Variants in CNIH3 observed in about 807,000 individuals in gnomAD.
CNIH3 encodes the protein protein cornichon homolog 3.
A neutral mutation model predicts 24.1 loss-of-function variants in CNIH3; 14 were observed. The ratio of observed to expected loss-of-function variants is 0.58; its 90% CI spans 0.38 to 0.91. The LOEUF (loss-of-function observed/expected upper bound fraction) is 0.91, where lower values mean the gene tolerates loss of function less well. Among genes scored for constraint, CNIH3 ranks in the 40% least tolerant of loss-of-function variants. The pLI, the probability that CNIH3 is intolerant of heterozygous loss-of-function variation, is 0.00. For synonymous variants in CNIH3, 68 were observed against 73.8 expected, an observed-to-expected ratio of 0.92 and a Z score of 0.40; for missense variants, 178 against 196.8, an observed-to-expected ratio of 0.90 and a Z score of 0.57.
At chr1:224,601,151 C>T (rs955514463) in intron 3 of CNIH3, among the ~76,000 whole-genome samples, 6 of 152,126 alleles carry the variant, frequency 3.9e-5, no homozygotes, top group East Asian at 1.9e-4. Flanking sequence ...GATTCAAGTG[C>T]GCTGTTTGAC....
chr1:224,526,122 C>T (rs1448918543), intron 2 of CNIH3, among the ~76,000 whole-genome samples: 1 of 152,184 alleles, frequency 6.6e-6, no homozygotes, highest in Non-Finnish European at 1.5e-5. Context: ...GTTACATTTG[C>T]TGGTTTTTTC....
At chr1:224,695,684 GCTT>G in intron 3 of CNIH3, among the ~76,000 whole-genome samples, 1 of 152,162 alleles carries the variant, frequency 6.6e-6, no homozygotes, top group Non-Finnish European at 1.5e-5. Flanking sequence ...ACTTTACAGA[GCTT>G]CTTACCACTG....
At position 224,699,968 on chromosome 1, in the gene CNIH3, G is replaced by A. The variant is rs1389732843; in HGVS notation, c.198+15125G>A. On this transcript the variant is annotated intron_variant, in intron 3 of 5. Transcript: ENST00000272133. ...TTTTCTTGCCTGCCCTGCTTCCACT[G>A]GGCCCTGCGGTTATCTTGTCTGGCC... is the stretch of plus-strand genomic sequence containing the variant. 3.3e-5 allele frequency among the ~76,000 whole-genome samples: 5 copies of A among 152,128 alleles called. No homozygotes were observed. In the East Asian group the frequency reaches 9.6e-4, roughly 29 times the overall value.
At chr1:224,713,196 G>A (rs1688250773) in intron 3 of CNIH3, among the ~76,000 whole-genome samples, 1 of 152,200 alleles carries the variant, frequency 6.6e-6, no homozygotes, top group Admixed American at 6.5e-5. Context: ...CAGTCCAATA[G>A]TTTATTGAAA....
chr1:224,579,814 G>A (rs1246780679), intron 4 of CNIH3, among the ~76,000 whole-genome samples: 2 of 152,154 alleles, frequency 1.3e-5, no homozygotes, highest in Admixed American at 6.6e-5. Context: ...ACCAGCTCCT[G>A]TTTGCCATTT....
upstream of CNIH3, among the ~76,000 whole-genome samples, chr1:224,511,787 G>A (rs1057477115): frequency 9.8e-5 from 15 of 152,286 alleles, no homozygotes; most frequent in East Asian, 7.7e-4. Flanking sequence ...TTAGGAGGGC[G>A]AGGCTGCAGT....
At chr1:224,485,234 T>C (rs1676981406) in intron 1 of CNIH3, among the ~76,000 whole-genome samples, 1 of 152,228 alleles carries the variant, frequency 6.6e-6, no homozygotes, top group African/African-American at 2.4e-5. Context: ...TAGCTTTTCT[T>C]GGTTATTCAG....
chr1:224,587,686 C>G (rs1002914460), intron 5 of CNIH3, among the ~76,000 whole-genome samples: 1 of 152,148 alleles, frequency 6.6e-6, no homozygotes, highest in Non-Finnish European at 1.5e-5. Flanking sequence ...CACCTGTCAT[C>G]CCAGCACTTT....
chr1:224,691,699 G>A (rs2125159851), intron 3 of CNIH3, among the ~76,000 whole-genome samples: 1 of 152,340 alleles, frequency 6.6e-6, no homozygotes, highest in Admixed American at 6.5e-5. Flanking sequence ...TTCCTGACAT[G>A]CGTAGATGTA....
At chr1:224,705,381 C>G (rs1384492363) in intron 3 of CNIH3, among the ~76,000 whole-genome samples, 2 of 152,232 alleles carry the variant, frequency 1.3e-5, no homozygotes, top group African/African-American at 4.8e-5. Context: ...GGCCTGGAGC[C>G]CCCTTCATTC....
At chr1:224,575,441 CA>C (rs1413528115) in intron 4 of CNIH3, 4 of 835,450 alleles carry the variant, frequency 4.8e-6, no homozygotes, top group Admixed American at 2.3e-5. Flanking sequence ...TTTTCTGTCT[CA>C]TTTTTTTTTT....
At chr1:224,706,402 C>T (rs1236481879) in intron 3 of CNIH3, among the ~76,000 whole-genome samples, 1 of 152,106 alleles carries the variant, frequency 6.6e-6, no homozygotes, top group Admixed American at 6.5e-5. Flanking sequence ...TCGCCTGTTC[C>T]GGAGGGTCGC....
intron 3 of CNIH3, among the ~76,000 whole-genome samples, chr1:224,552,589 C>G (rs1679967419): frequency 6.6e-6 from 1 of 151,610 alleles, no homozygotes; most frequent in Admixed American, 6.6e-5. Context: ...ATATATCTCT[C>G]TTAGATATAA....
At chr1:224,551,841 G>T (rs987823973) in intron 3 of CNIH3, among the ~76,000 whole-genome samples, 1 of 149,894 alleles carries the variant, frequency 6.7e-6, no homozygotes, top group South Asian at 2.1e-4. Context: ...TTACACAGGG[G>T]GTGTACTCCC....
Position 224,703,887 on chromosome 1 carries a change from A to T in CNIH3, c.198+19044A>T, listed in dbSNP as rs1241100138. The stretch of plus-strand genomic sequence containing the variant: ...ATGAGCACCTGCATATTCTCCCTGC[A>T]GCACACCTGAGTCGCTGCTGCTCTG... On this transcript the variant is annotated intron_variant, in intron 3 of 5. Transcript: ENST00000272133. This position sits in a 1 kb window ranked among gnomAD's most constrained non-coding sequence, Gnocchi z 4.2. Among the ~76,000 whole-genome samples, 1 of 152,240 alleles carries T rather than the reference A, an allele frequency of 6.6e-6. No homozygotes were observed. Among genetic ancestry groups the T allele is most frequent in the Non-Finnish European group, 1.5e-5 (1 of 68,042 alleles).
chr1:224,583,227 C>A (rs549987448), exon 5 of CNIH3: 2 of 152,274 alleles, frequency 1.3e-5, no homozygotes, highest in Non-Finnish European at 1.5e-5. Context: ...TGGACAGAGT[C>A]GTGAGTGACC....
chr1:224,511,515 A>T (rs772397538), upstream of CNIH3, among the ~76,000 whole-genome samples: 5 of 152,152 alleles, frequency 3.3e-5, no homozygotes, highest in Admixed American at 1.3e-4. Flanking sequence ...TCCTTGGAGG[A>T]TACTTATTTC....
intron 3 of CNIH3, among the ~76,000 whole-genome samples, chr1:224,722,130 G>A (rs1332789620): frequency 1.3e-5 from 2 of 151,978 alleles, no homozygotes; most frequent in South Asian, 2.1e-4. Flanking sequence ...GGAGGGTTGG[G>A]TGGGAGGAGG....
Position 224,458,119 on chromosome 1 carries a change from G to A in CNIH3, n.203+23257G>A, listed in dbSNP as rs1257515489. On this transcript the variant is annotated intron_variant and non_coding_transcript_variant, in intron 1 of 5. Transcript: ENST00000471578. This position sits in a 1 kb window ranked among gnomAD's most constrained non-coding sequence, Gnocchi z 4.3. The stretch of plus-strand genomic sequence containing the variant: ...CTCTCCTGATTTTGCATCCAGGGAC[G>A]TCCTCTGTGCTTTTGAATGTATTAA... 5.9e-5 allele frequency among the ~76,000 whole-genome samples: 9 copies of A among 152,166 alleles called. No homozygotes were observed. The highest frequency in any genetic ancestry group is 4.8e-5 in the African/African-American group (2 of 41,428).
Sources: gnomAD v4.1 joint callset for allele counts (sites outside exome capture counted in the v4.1 genomes callset) on GRCh38, gnomAD v4.1.1 for gene constraint, Gnocchi (gnomAD v3.1) non-coding constraint, MANE v1.5 for transcripts, NCBI Gene and HGNC (gene_info 2026-07-23, HGNC 2026-07-21) for gene names.